Variants in GTF2F2 observed in about 807,000 individuals in gnomAD.
GTF2F2 encodes ATP-dependent helicase GTF2F2.
In GTF2F2, 23 loss-of-function variants were observed where a neutral mutation model predicts 42.2. That is an observed-to-expected ratio of 0.55 (90% confidence interval 0.39 to 0.77). The LOEUF is 0.77. Ranked by LOEUF, GTF2F2 falls within the 30% of genes least tolerant of loss-of-function variation. The pLI is 0.00. For missense variants in GTF2F2, 261 were observed against 287.2 expected, an observed-to-expected ratio of 0.91 and a Z score of 0.66; for synonymous variants, 105 against 100.8, an observed-to-expected ratio of 1.04 and a Z score of -0.25.
chr13:45,252,812 C>G (rs1203404920), intron 5 of GTF2F2, 59 bp from the exon 6 acceptor site: 1 of 717,778 alleles, frequency 1.4e-6, no homozygotes, highest in African/African-American at 1.9e-5. Flanking sequence ...GAAATAATAA[C>G]TCTTCATATT....
chr13:45,270,780 G>GTT (rs1427848267), intron 7 of GTF2F2, among the ~76,000 whole-genome samples: 2 of 152,136 alleles, frequency 1.3e-5, no homozygotes, highest in East Asian at 3.8e-4. Flanking sequence ...CCTTGAATGA[G>GTT]TTATTTCTAG....
rs138041915 is a variant in GTF2F2 at position 45,183,260 on chromosome 13, C to T, written c.305-24164C>T. Among the ~76,000 whole-genome samples, 629 of 152,120 alleles carry T rather than the reference C, an allele frequency of 4.1e-3. 6 individuals carry two copies. The highest frequency in any genetic ancestry group is 0.015 in the African/African-American group (609 of 41,452). The stretch of plus-strand genomic sequence containing the variant: ...TACCTCTATCTGTTAGAATTAACTC[C>T]GCTAGCAAAGTATCAGTGACTTAAG... On this transcript the variant is annotated intron_variant, in intron 4 of 7. Coordinates refer to ENST00000340473, the MANE Select transcript of GTF2F2 (RefSeq NM_004128.3).
chr13:45,240,976 A>C (rs1377383229), intron 5 of GTF2F2, among the ~76,000 whole-genome samples: 5 of 71,324 alleles, frequency 7.0e-5, no homozygotes, highest in African/African-American at 3.6e-4. Flanking sequence ...CTGTTATTAC[A>C]AAAAAAAAAA....
At chr13:45,136,046 C>G (rs1316879789) in intron 1 of GTF2F2, among the ~76,000 whole-genome samples, 1 of 152,238 alleles carries the variant, frequency 6.6e-6, no homozygotes, top group Non-Finnish European at 1.5e-5. Flanking sequence ...GTTAAGAACA[C>G]AGACCCTGGA....
At chr13:45,191,364 A>G (rs1233962561) in intron 4 of GTF2F2, among the ~76,000 whole-genome samples, 1 of 150,142 alleles carries the variant, frequency 6.7e-6, no homozygotes, top group Non-Finnish European at 1.5e-5. Flanking sequence ...CTACTTTTTT[A>G]TTACCTTTCT....
chr13:45,264,075 GT>G (rs1876459391), intron 6 of GTF2F2, among the ~76,000 whole-genome samples: 1 of 152,094 alleles, frequency 6.6e-6, no homozygotes, highest in African/African-American at 2.4e-5. Flanking sequence ...AAAAAAAACA[GT>G]TTTTGTTCAC....
At chr13:45,255,146 A>G (rs1177027938) in intron 6 of GTF2F2, among the ~76,000 whole-genome samples, 1 of 139,312 alleles carries the variant, frequency 7.2e-6, no homozygotes, top group Non-Finnish European at 1.5e-5. Context: ...AGCCTGGGGG[A>G]CAAGAGTGAG....
intron 2 of GTF2F2, among the ~76,000 whole-genome samples, chr13:45,140,295 A>G (rs1869857166): frequency 6.6e-6 from 1 of 152,104 alleles, no homozygotes; most frequent in Non-Finnish European, 1.5e-5. Context: ...GACTCCACGA[A>G]TATTGACCAC....
At chr13:45,265,565 T>C (rs928975180) in intron 6 of GTF2F2, among the ~76,000 whole-genome samples, 5 of 152,218 alleles carry the variant, frequency 3.3e-5, no homozygotes, top group African/African-American at 9.6e-5. Flanking sequence ...TATCAAAAAA[T>C]GAAGATGATT....
chr13:45,171,069 CTTT>C (rs908914894), intron 4 of GTF2F2, among the ~76,000 whole-genome samples: 34 of 94,232 alleles, frequency 3.6e-4, no homozygotes, highest in African/African-American at 5.4e-4. Flanking sequence ...AAAACCCTAT[CTTT>C]TTTTTTTTTT....
Position 45,252,955 on chromosome 13 carries a change from T to G in GTF2F2, c.471T>G (p.Ala157=). The G allele has an allele frequency of 7.3e-7, 1 of 1,366,354 alleles. No individual in the cohort carries two copies. Among genetic ancestry groups the G allele is most frequent in the Non-Finnish European group, 9.9e-7 (1 of 1,007,722 alleles). The allele number at this position is 1,366,354 out of a possible 1,614,324, so 84.6% of individuals were successfully genotyped here. ...KVVTTNYKPV[A]NHQYNIEYER... ...TAACAACCAATTACAAACCTGTTGCTAATCATCAATACAATGTAAGTCTTC... is the reference window on the plus strand; with the variant it reads ...TAACAACCAATTACAAACCTGTTGCGAATCATCAATACAATGTAAGTCTTC... The change falls in exon 6 of 8, where the codon GCT becomes GCG. Residue 157 remains alanine, a synonymous_variant. Transcript: ENST00000340473.
chr13:45,156,824 A>AT (rs1870778869), intron 4 of GTF2F2, among the ~76,000 whole-genome samples: 1 of 152,098 alleles, frequency 6.6e-6, no homozygotes, highest in African/African-American at 2.4e-5. Flanking sequence ...TTTTGCTTTC[A>AT]TTTTTCATTA....
intron 5 of GTF2F2, among the ~76,000 whole-genome samples, chr13:45,225,843 G>A (rs151129097): frequency 1.3e-3 from 193 of 152,234 alleles, no homozygotes; most frequent in African/African-American, 4.4e-3. Flanking sequence ...GGACAGTGGT[G>A]CCTGTTGTAC....
At chr13:45,167,583 A>G (rs757946257) in intron 4 of GTF2F2, among the ~76,000 whole-genome samples, 1 of 151,990 alleles carries the variant, frequency 6.6e-6, no homozygotes, top group Non-Finnish European at 1.5e-5. Context: ...TATTTTTAGT[A>G]GAGATGGGGT....
intron 4 of GTF2F2, among the ~76,000 whole-genome samples, chr13:45,183,015 C>T (rs574531097): frequency 1.3e-5 from 2 of 152,098 alleles, no homozygotes; most frequent in South Asian, 4.2e-4. Flanking sequence ...AGTGGAGGCA[C>T]CCCCTTCCTT....
chr13:45,199,431 A>G (rs1873065940), intron 4 of GTF2F2, among the ~76,000 whole-genome samples: 1 of 152,210 alleles, frequency 6.6e-6, no homozygotes, highest in Non-Finnish European at 1.5e-5. Context: ...CATGTTTTAC[A>G]TGTACTTTGG....
At chr13:45,134,984 C>CT (rs1302591341) in intron 1 of GTF2F2, among the ~76,000 whole-genome samples, 1 of 150,464 alleles carries the variant, frequency 6.6e-6, no homozygotes, top group South Asian at 2.1e-4. Context: ...ACAAGAGTCT[C>CT]TCTCTGTCAC....
At chr13:45,208,727 A>G (rs1873518141) in intron 5 of GTF2F2, among the ~76,000 whole-genome samples, 1 of 152,194 alleles carries the variant, frequency 6.6e-6, no homozygotes, top group African/African-American at 2.4e-5. Flanking sequence ...ATTAGATTAG[A>G]CTGTCTCCTG....
chr13:45,162,218 G>A (rs1417862245), intron 4 of GTF2F2, among the ~76,000 whole-genome samples: 1 of 152,140 alleles, frequency 6.6e-6, no homozygotes, highest in Non-Finnish European at 1.5e-5. Flanking sequence ...GATGCTCTGT[G>A]GTGACTCCAG....
Sources: gnomAD v4.1 joint callset for allele counts (sites outside exome capture counted in the v4.1 genomes callset) on GRCh38, gnomAD v4.1.1 for gene constraint, MANE v1.5 for transcripts, NCBI Gene and HGNC (gene_info 2026-07-23, HGNC 2026-07-21) for gene names.